Variants in MBOAT1 observed in about 807,000 individuals in gnomAD.
The protein encoded by MBOAT1 is membrane bound glycerophospholipid O-acyltransferase 1.
Under a neutral mutation model 64.4 loss-of-function variants are expected in MBOAT1, and 67 were observed. The ratio of observed to expected loss-of-function variants is 1.04; its 90% CI spans 0.85 to 1.27. The LOEUF is 1.27. Ranked by LOEUF, MBOAT1 falls within the 50% of genes most tolerant of loss-of-function variation. The probability of loss-of-function intolerance (pLI) is 0.00; values close to 1 mark genes in which losing one functional copy is unlikely to be tolerated. For synonymous variants in MBOAT1, 229 were observed against 218.9 expected, an observed-to-expected ratio of 1.05 and a Z score of -0.41; for missense variants, 563 against 604.6, an observed-to-expected ratio of 0.93 and a Z score of 0.72.
chr6:20,174,861 T>C (rs578163590), intron 1 of MBOAT1, among the ~76,000 whole-genome samples: 1 of 152,334 alleles, frequency 6.6e-6, no homozygotes, highest in African/African-American at 2.4e-5. Flanking sequence ...GAAGAGGACT[T>C]TTCAAAGCAA....
chr6:20,162,959 G>C (rs942762196), intron 1 of MBOAT1, among the ~76,000 whole-genome samples: 1 of 152,202 alleles, frequency 6.6e-6, no homozygotes, highest in Non-Finnish European at 1.5e-5. Context: ...CAGAGAAAGA[G>C]TCCTTATACA....
chr6:20,152,333 A>AAAT (rs374243269), intron 2 of MBOAT1, among the ~76,000 whole-genome samples: 77,430 of 134,672 alleles, frequency 0.57, 21,217 homozygotes, highest in Admixed American at 0.59. Flanking sequence ...TCTCAAAAAA[A>AAAT]AAAAATAAAA....
Position 20,111,805 on chromosome 6 carries a change from C to CATATATATACATATATATACAT in MBOAT1, c.1209+1049_1209+1070dup, listed in dbSNP as rs1396593921. Among the ~76,000 whole-genome samples the CATATATATACATATATATACAT allele has an allele frequency of 4.7e-3, 281 of 59,272 alleles. 21 individuals carry two copies. The highest frequency in any genetic ancestry group is 0.014 in the African/African-American group (260 of 18,094). 38.9% of individuals were successfully genotyped at this position (59,272 alleles called of 152,430 possible). ...AGCATGAACAGTAATCCACTTTGTT[C>CATATATATACATATATATACAT]ATATATATACATATATATACATATA... On this transcript the variant is annotated intron_variant, in intron 11 of 12. Transcript: ENST00000324607.
At chr6:20,175,319 T>C (rs1165099322) in intron 1 of MBOAT1, among the ~76,000 whole-genome samples, 3 of 152,068 alleles carry the variant, frequency 2.0e-5, no homozygotes, top group Non-Finnish European at 4.4e-5. Context: ...GGCGAGATTA[T>C]AGGTCACTGT....
intron 1 of MBOAT1, among the ~76,000 whole-genome samples, chr6:20,157,107 A>G (rs1208968762): frequency 6.6e-6 from 1 of 152,080 alleles, no homozygotes; most frequent in Non-Finnish European, 1.5e-5. Context: ...ACACAGCAAG[A>G]ACCCCATCCA....
rs764470126 is a variant in MBOAT1, at chr6:20,115,286, A to G, written c.1076+2T>C. ...TAATGAGGTCGTTTTTGTTTTTCTT[A>G]CCACTTTAGCCAAGTAGCTGTCTGA... On this transcript the variant is annotated splice_donor_variant, in intron 10 of 12. Transcript: ENST00000324607. LOFTEE classifies it high-confidence loss of function. 3 of 1,611,310 alleles carry G rather than the reference A, an allele frequency of 1.9e-6. No individual in the cohort carries two copies. The highest frequency in any genetic ancestry group is 2.2e-5 in the East Asian group (1 of 44,816).
chr6:20,162,939 C>T lies in MBOAT1; in HGVS notation c.100-10170G>A, dbSNP rs1761904998. ...TCCCTCTAGAATGGGATAATCCCTC[C>T]TTTAATGCTCAGAGAAAGAGTCCTT... On this transcript the variant is annotated intron_variant, in intron 1 of 12. Coordinates refer to ENST00000324607, the MANE Select transcript of MBOAT1 (RefSeq NM_001080480.3). 2.6e-5 allele frequency among the ~76,000 whole-genome samples: 4 copies of T among 152,296 alleles called. No homozygotes were observed. In the South Asian group the frequency reaches 8.3e-4, roughly 32 times the overall value.
chr6:20,136,462 G>A (rs1315553770), intron 4 of MBOAT1, among the ~76,000 whole-genome samples: 1 of 152,152 alleles, frequency 6.6e-6, no homozygotes, highest in Non-Finnish European at 1.5e-5. Context: ...GCATGAAAAA[G>A]AAACATGAAA....
At chr6:20,163,363 T>C (rs1219662714) in intron 1 of MBOAT1, among the ~76,000 whole-genome samples, 1 of 152,206 alleles carries the variant, frequency 6.6e-6, no homozygotes, top group African/African-American at 2.4e-5. Context: ...TTAATATTAT[T>C]CATACTTTAT....
At chr6:20,133,030 T>A (rs1211292095) in intron 4 of MBOAT1, among the ~76,000 whole-genome samples, 2 of 152,220 alleles carry the variant, frequency 1.3e-5, no homozygotes, top group African/African-American at 4.8e-5. Context: ...GTAAATAAGA[T>A]AAACTATTTT....
chr6:20,167,749 C>T (rs183995547), intron 1 of MBOAT1, among the ~76,000 whole-genome samples: 91 of 152,292 alleles, frequency 6.0e-4, no homozygotes, highest in African/African-American at 2.1e-3. Context: ...TGGCCTGTCT[C>T]CAATTCTTCT....
At chr6:20,154,101 G>A (rs1486907227) in intron 1 of MBOAT1, among the ~76,000 whole-genome samples, 2 of 152,150 alleles carry the variant, frequency 1.3e-5, no homozygotes, top group Non-Finnish European at 2.9e-5. Flanking sequence ...AACTCATTAC[G>A]GCTGAGCTGG....
At chr6:20,130,088 A>G (rs1473445742) in intron 5 of MBOAT1, among the ~76,000 whole-genome samples, 4 of 152,200 alleles carry the variant, frequency 2.6e-5, no homozygotes, top group African/African-American at 9.6e-5. Context: ...GATAAATTTC[A>G]ACCTCTCAAC....
At chr6:20,182,102 G>C (rs760229727) in intron 1 of MBOAT1, among the ~76,000 whole-genome samples, 1 of 152,180 alleles carries the variant, frequency 6.6e-6, no homozygotes, top group Non-Finnish European at 1.5e-5. Context: ...AGGAGAATCT[G>C]AGTAATGCAT....
intron 1 of MBOAT1, among the ~76,000 whole-genome samples, chr6:20,195,225 TTAC>T (rs1762922095): frequency 6.6e-6 from 1 of 152,216 alleles, no homozygotes; most frequent in Non-Finnish European, 1.5e-5. Context: ...AGTGCTAGGA[TTAC>T]AGGCATGAGC....
intron 1 of MBOAT1, among the ~76,000 whole-genome samples, chr6:20,199,645 G>A (rs1759194160): frequency 6.6e-6 from 1 of 152,204 alleles, no homozygotes; most frequent in Admixed American, 6.5e-5. Flanking sequence ...ATTTAATTCT[G>A]TATAAATGTT....
chr6:20,185,405 C>A (rs539169007), intron 1 of MBOAT1, among the ~76,000 whole-genome samples: 1 of 152,252 alleles, frequency 6.6e-6, no homozygotes, highest in Non-Finnish European at 1.5e-5. Flanking sequence ...AGTAGAATTT[C>A]AGTAAGGCAG....
chr6:20,122,209 G>A (rs906278483), intron 8 of MBOAT1, among the ~76,000 whole-genome samples: 1 of 152,126 alleles, frequency 6.6e-6, no homozygotes, highest in East Asian at 1.9e-4. Flanking sequence ...TAAGGTCAGT[G>A]ATGTAAGTAG....
intron 1 of MBOAT1, among the ~76,000 whole-genome samples, chr6:20,158,473 A>G (rs1039794201): frequency 5.3e-5 from 8 of 152,246 alleles, no homozygotes; most frequent in African/African-American, 1.9e-4. Flanking sequence ...TAAAACTGCT[A>G]GAAGAAAACA....
Sources: gnomAD v4.1 joint callset for allele counts (sites outside exome capture counted in the v4.1 genomes callset) on GRCh38, gnomAD v4.1.1 for gene constraint, MANE v1.5 for transcripts, NCBI Gene and HGNC (gene_info 2026-07-23, HGNC 2026-07-21) for gene names.